Variants in SMG6 observed in about 807,000 individuals in gnomAD.
SMG6 encodes the protein SMG6 nonsense mediated mRNA decay factor.
Under a neutral mutation model 142.2 loss-of-function variants are expected in SMG6, and 66 were observed. That is an observed-to-expected ratio of 0.46 (90% confidence interval 0.38 to 0.57). The LOEUF is 0.57. Ranked by LOEUF, SMG6 falls within the 20% of genes least tolerant of loss-of-function variation. The pLI, the probability that SMG6 is intolerant of heterozygous loss-of-function variation, is 0.00. For synonymous variants in SMG6, 779 were observed against 702.4 expected (o/e 1.11, Z -1.72); for missense variants, 1,793 against 1,832.0 (o/e 0.98, Z 0.39).
In SMG6 at chr17:2,068,756, C is replaced by G. The variant is rs897763318; in HGVS notation, c.3835+22G>C. 1 of 1,611,380 alleles carries G rather than the reference C, an allele frequency of 6.2e-7. No homozygotes were observed. The highest frequency in any genetic ancestry group is 8.5e-7 in the Non-Finnish European group (1 of 1,178,592). On this transcript the variant is annotated intron_variant, in intron 16 of 18. Transcript: ENST00000263073. The surrounding 1 kb of genome is among the most constrained non-coding windows in gnomAD (Gnocchi z 6.7). ...GCTGCTGTGCACATGCAAGGCCGCTCTGCCCTTCCCGCCTGACTCACCGAT... is the reference window on the plus strand; with the variant it reads ...GCTGCTGTGCACATGCAAGGCCGCTGTGCCCTTCCCGCCTGACTCACCGAT...
At chr17:2,180,231 C>G (rs535957648) in intron 12 of SMG6, among the ~76,000 whole-genome samples, 1 of 152,188 alleles carries the variant, frequency 6.6e-6, no homozygotes, top group African/African-American at 2.4e-5. Flanking sequence ...ACAAACTATG[C>G]TAGCAGATGG....
chr17:2,266,300 G>A (rs186149400), intron 8 of SMG6: 24 of 426,590 alleles, frequency 5.6e-5, no homozygotes, highest in Non-Finnish European at 6.9e-5. Context: ...CTGGTAATCC[G>A]GCTTCCTGAG....
At chr17:2,270,018 G>A (rs1330248379) in intron 8 of SMG6, among the ~76,000 whole-genome samples, 1 of 152,042 alleles carries the variant, frequency 6.6e-6, no homozygotes, top group Non-Finnish European at 1.5e-5. Flanking sequence ...GACAGAGTGA[G>A]ACTCTGTCTC....
At chr17:2,122,740 T>C (rs766355018) in intron 13 of SMG6, among the ~76,000 whole-genome samples, 2 of 152,120 alleles carry the variant, frequency 1.3e-5, no homozygotes, top group Non-Finnish European at 2.9e-5. Context: ...AACCTCAAGA[T>C]ACTAGAGGAT....
In SMG6 at chr17:2,299,708, T is replaced by A; in HGVS notation, c.1045A>T (p.Thr349Ser). Reference protein sequence around the residue: ...QKNSAKEYRGTLRVTFDAEAM... With the variant: ...QKNSAKEYRGSLRVTFDAEAM... ...TCTGCATCGAAAGTGACACGAAGAG[T>A]GCCTCGATATTCTTTAGCACTGTTT... is the stretch of plus-strand genomic sequence containing the variant. The change falls in exon 2 of 19, where the codon ACT becomes TCT. Residue 349 changes from threonine to serine, a missense_variant. Coordinates refer to ENST00000263073, the MANE Select transcript of SMG6 (RefSeq NM_017575.5). This position sits in a 1 kb window ranked among gnomAD's most constrained non-coding sequence, Gnocchi z 4.3. 6.2e-7 allele frequency: 1 copy of A among 1,614,044 alleles called. No individual in the cohort carries two copies. The highest frequency in any genetic ancestry group is 8.5e-7 in the Non-Finnish European group (1 of 1,180,006).
intron 6 of SMG6, among the ~76,000 whole-genome samples, chr17:2,290,790 T>TG (rs990091704): frequency 5.3e-5 from 8 of 151,964 alleles, no homozygotes; most frequent in African/African-American, 7.3e-5. Context: ...AAAAAAGTAG[T>TG]GGGGGGGCCA....
At chr17:2,150,574 T>C (rs1281310684) in intron 13 of SMG6, among the ~76,000 whole-genome samples, 2 of 152,020 alleles carry the variant, frequency 1.3e-5, no homozygotes, top group South Asian at 4.2e-4. Flanking sequence ...TCATCAGGGG[T>C]AGCTCACCTC....
Position 2,077,732 on chromosome 17 carries a change from T to A in SMG6, c.3681+4078A>T, listed in dbSNP as rs186502972. On this transcript the variant is annotated intron_variant, in intron 15 of 18. Coordinates refer to ENST00000263073, the MANE Select transcript of SMG6 (RefSeq NM_017575.5). Reference sequence around the variant, plus strand: ...TTGCAGTGGTTATTCACGGGCATGATCACTGCACACCATAGCCTTGTACTC... The same window carrying A: ...TTGCAGTGGTTATTCACGGGCATGAACACTGCACACCATAGCCTTGTACTC... Among the ~76,000 whole-genome samples, 87 of 152,304 alleles carry A rather than the reference T, an allele frequency of 5.7e-4. 1 individual carries two copies. The highest frequency in any genetic ancestry group is 1.9e-3 in the African/African-American group (81 of 41,552).
chr17:2,283,031 G>A (rs1213205965), intron 7 of SMG6, among the ~76,000 whole-genome samples, 172 bp from the exon 8 acceptor site: 1 of 152,122 alleles, frequency 6.6e-6, no homozygotes, highest in African/African-American at 2.4e-5. Flanking sequence ...TTAGCTGGGT[G>A]TGGTGGCGCA....
chr17:2,129,590 T>C (rs1254038646), intron 13 of SMG6, among the ~76,000 whole-genome samples: 2 of 151,674 alleles, frequency 1.3e-5, no homozygotes, highest in Non-Finnish European at 2.9e-5. Flanking sequence ...GGTCAGGAGT[T>C]CGAGACCAGC....
At chr17:2,210,554 A>G (rs2072819805) in intron 10 of SMG6, among the ~76,000 whole-genome samples, 2 of 152,060 alleles carry the variant, frequency 1.3e-5, no homozygotes, top group South Asian at 4.1e-4. Context: ...CAGAGATGAC[A>G]GTTGAAACGA....
At chr17:2,116,101 C>T (rs983930224) in intron 13 of SMG6, among the ~76,000 whole-genome samples, 9 of 152,208 alleles carry the variant, frequency 5.9e-5, no homozygotes, top group South Asian at 4.1e-4. Flanking sequence ...GACAGGATCT[C>T]GCTGTGTTGC....
chr17:2,243,283 G>A (rs945861615), intron 9 of SMG6, among the ~76,000 whole-genome samples: 1 of 152,130 alleles, frequency 6.6e-6, no homozygotes, highest in African/African-American at 2.4e-5. Context: ...CTAGTCCACC[G>A]CCCGTGGAGC....
intron 8 of SMG6, among the ~76,000 whole-genome samples, chr17:2,279,794 C>T (rs759612016): frequency 6.6e-6 from 1 of 152,210 alleles, no homozygotes; most frequent in African/African-American, 2.4e-5. Flanking sequence ...TCCAGCCATA[C>T]TGAACTACTC....
chr17:2,172,351 G>C (rs1422534555), intron 13 of SMG6, among the ~76,000 whole-genome samples: 1 of 152,096 alleles, frequency 6.6e-6, no homozygotes, highest in African/African-American at 2.4e-5. Flanking sequence ...CTTTAAGCAT[G>C]ATGCAAACCA....
intron 1 of SMG6, chr17:2,303,013 C>T (rs1004212943): frequency 7.1e-6 from 7 of 985,360 alleles, no homozygotes; most frequent in African/African-American, 1.7e-5. Flanking sequence ...ATCTTTCTTA[C>T]TTTCCTGACG....
chr17:2,261,385 T>G (rs959818619), intron 8 of SMG6, among the ~76,000 whole-genome samples: 1 of 152,232 alleles, frequency 6.6e-6, no homozygotes, highest in Non-Finnish European at 1.5e-5. Flanking sequence ...CAAGTATGCT[T>G]ACATTGTCAC....
In SMG6 at chr17:2,249,100, A is replaced by G. The variant is rs182420595; in HGVS notation, c.2662-4381T>C. 7.9e-3 allele frequency among the ~76,000 whole-genome samples: 1,185 copies of G among 150,014 alleles called. 12 individuals are homozygous for G. Among genetic ancestry groups the G allele is most frequent in the Middle Eastern group, 0.017 (5 of 290 alleles). On this transcript the variant is annotated intron_variant, in intron 8 of 18. Transcript: ENST00000263073. Reference sequence around the variant, plus strand: ...AGTAGAGATGGGGTTTCACCGTGTTAGCCAGGATGGTCTCAATCTCCTGAC... The same window carrying G: ...AGTAGAGATGGGGTTTCACCGTGTTGGCCAGGATGGTCTCAATCTCCTGAC...
chr17:2,230,952 C>G (rs1334742435), intron 10 of SMG6, among the ~76,000 whole-genome samples: 1 of 152,122 alleles, frequency 6.6e-6, no homozygotes, highest in African/African-American at 2.4e-5. Flanking sequence ...CACAGAGATC[C>G]TTGTAGAGAA....
Sources: gnomAD v4.1 joint callset for allele counts (sites outside exome capture counted in the v4.1 genomes callset) on GRCh38, gnomAD v4.1.1 for gene constraint, Gnocchi (gnomAD v3.1) non-coding constraint, MANE v1.5 for transcripts, NCBI Gene and HGNC (gene_info 2026-07-23, HGNC 2026-07-21) for gene names.